Variants in GABBR2 observed in about 807,000 individuals in gnomAD.
GABBR2 encodes the protein G-protein coupled receptor 51.
Under a neutral mutation model 105.6 loss-of-function variants are expected in GABBR2, and 23 were observed. The ratio of observed to expected loss-of-function variants is 0.22; its 90% CI spans 0.16 to 0.31. The LOEUF (loss-of-function observed/expected upper bound fraction) is 0.31. Ranked by LOEUF, GABBR2 falls within the 10% of genes least tolerant of loss-of-function variation. The pLI, the probability that GABBR2 is intolerant of heterozygous loss-of-function variation, is 1.00. For synonymous variants in GABBR2, 478 were observed against 499.7 expected, an observed-to-expected ratio of 0.96 and a Z score of 0.58; for missense variants, 734 against 1,245.5, an observed-to-expected ratio of 0.59 and a Z score of 6.18.
intron 3 of GABBR2, among the ~76,000 whole-genome samples, chr9:98,516,972 G>C (rs1165053341): frequency 6.6e-6 from 1 of 152,214 alleles, no homozygotes; most frequent in Non-Finnish European, 1.5e-5. Context: ...TTGGTTGCAC[G>C]ACCAGATTTG....
At chr9:98,436,826 G>C (rs150432662) in intron 7 of GABBR2, among the ~76,000 whole-genome samples, 1 of 152,224 alleles carries the variant, frequency 6.6e-6, no homozygotes, top group East Asian at 1.9e-4. Context: ...GATGTGTGAT[G>C]ATGTTTGAAA....
Position 98,609,112 on chromosome 9 carries a change from A to T in GABBR2, c.322-31040T>A, listed in dbSNP as rs568816249. Among the ~76,000 whole-genome samples the T allele has an allele frequency of 9.2e-5, 14 of 152,334 alleles. No individual in the cohort carries two copies. In the East Asian group the frequency reaches 1.7e-3, roughly 19 times the overall value. ...GTATTTTTTGTTTGTATTGTAAAAA[A>T]TTCACATAATAAACGATGTTGTGAT... On this transcript the variant is annotated intron_variant, in intron 1 of 18. Transcript: ENST00000259455.
chr9:98,651,956 C>T (rs1454378008), intron 1 of GABBR2, among the ~76,000 whole-genome samples: 1 of 152,084 alleles, frequency 6.6e-6, no homozygotes, highest in Admixed American at 6.5e-5. Flanking sequence ...AATCATATAA[C>T]ATGTGAGATT....
At chr9:98,680,496 A>T (rs1413851380) in intron 1 of GABBR2, among the ~76,000 whole-genome samples, 1 of 151,998 alleles carries the variant, frequency 6.6e-6, no homozygotes, top group Non-Finnish European at 1.5e-5. Flanking sequence ...TTTTTAGTAG[A>T]GACGGGGTTT....
intron 3 of GABBR2, among the ~76,000 whole-genome samples, chr9:98,497,359 G>A (rs1220430810): frequency 6.6e-6 from 1 of 151,976 alleles, no homozygotes; most frequent in Non-Finnish European, 1.5e-5. Flanking sequence ...TTTGAGGGGA[G>A]AAATCAGAAA....
intron 2 of GABBR2, among the ~76,000 whole-genome samples, chr9:98,566,343 G>A (rs1828750352): frequency 6.6e-6 from 1 of 152,286 alleles, no homozygotes; most frequent in South Asian, 2.1e-4. Flanking sequence ...CAACAAAATA[G>A]TAACCTTCAC....
chr9:98,612,483 C>T (rs1190186408), intron 1 of GABBR2, among the ~76,000 whole-genome samples: 1 of 152,210 alleles, frequency 6.6e-6, no homozygotes, highest in African/African-American at 2.4e-5. Context: ...TTTGTTCTCA[C>T]TATCACAGTT....
intron 14 of GABBR2, among the ~76,000 whole-genome samples, chr9:98,310,678 G>A (rs896500095): frequency 4.6e-5 from 7 of 152,188 alleles, no homozygotes; most frequent in African/African-American, 1.7e-4. Context: ...AAATGGGGAT[G>A]ATCCTGCCCA....
intron 1 of GABBR2, among the ~76,000 whole-genome samples, chr9:98,603,166 C>T (rs920568063): frequency 7.2e-5 from 11 of 152,188 alleles, no homozygotes; most frequent in African/African-American, 2.7e-4. Context: ...CTCTCTCTGC[C>T]CCGTCTCCTA....
intron 9 of GABBR2, among the ~76,000 whole-genome samples, chr9:98,389,558 A>G (rs1162267722): frequency 6.6e-6 from 1 of 152,206 alleles, no homozygotes; most frequent in Admixed American, 6.5e-5. Context: ...TTCTGTTTCC[A>G]CAAGACTCTG....
At chr9:98,328,717 C>G (rs1269420838) in intron 13 of GABBR2, among the ~76,000 whole-genome samples, 1 of 152,106 alleles carries the variant, frequency 6.6e-6, no homozygotes, top group Non-Finnish European at 1.5e-5. Context: ...AATAAATAGG[C>G]CTTGACTTAC....
At chr9:98,590,733 A>C (rs1313382570) in intron 1 of GABBR2, among the ~76,000 whole-genome samples, 2 of 152,170 alleles carry the variant, frequency 1.3e-5, no homozygotes, top group African/African-American at 4.8e-5. Flanking sequence ...TTTCCATTCC[A>C]CATTTGTGGG....
At chr9:98,387,805 T>A (rs1832101115) in intron 10 of GABBR2, among the ~76,000 whole-genome samples, 1 of 151,670 alleles carries the variant, frequency 6.6e-6, no homozygotes, top group Non-Finnish European at 1.5e-5. Flanking sequence ...AATAATTAAT[T>A]AATTAATTAA....
chr9:98,303,025 G>C (rs1002877401), intron 16 of GABBR2: 3 of 483,946 alleles, frequency 6.2e-6, no homozygotes, highest in African/African-American at 5.9e-5. Flanking sequence ...TGGCCTCCAA[G>C]AGCCTGGGTG....
intron 3 of GABBR2, among the ~76,000 whole-genome samples, chr9:98,515,010 C>T (rs1224558521): frequency 1.3e-5 from 2 of 152,056 alleles, no homozygotes; most frequent in African/African-American, 2.4e-5. Context: ...GTGGGGGAGG[C>T]CACCAGGAAG....
chr9:98,404,002 C>A (rs573319320), intron 8 of GABBR2, among the ~76,000 whole-genome samples: 1 of 151,864 alleles, frequency 6.6e-6, no homozygotes, highest in East Asian at 1.9e-4. Flanking sequence ...TGCTGTACTG[C>A]CTTCCTTATA....
intron 1 of GABBR2, among the ~76,000 whole-genome samples, chr9:98,663,283 A>C (rs567565189): frequency 1.3e-5 from 2 of 152,192 alleles, no homozygotes; most frequent in Admixed American, 6.5e-5. Flanking sequence ...AGCAGAGGGT[A>C]CTGGAGGAAA....
chr9:98,545,039 T>A (rs900764460), intron 2 of GABBR2, among the ~76,000 whole-genome samples: 1 of 152,122 alleles, frequency 6.6e-6, no homozygotes, highest in Non-Finnish European at 1.5e-5. Flanking sequence ...TACCATCACA[T>A]CCCCAAAAAT....
chr9:98,445,023 C>T (rs75304461), intron 7 of GABBR2, among the ~76,000 whole-genome samples: 28 of 152,288 alleles, frequency 1.8e-4, no homozygotes, highest in African/African-American at 6.3e-4. Context: ...GATTATTTAT[C>T]GGGTTGAAAA....
Sources: allele counts gnomAD v4.1 joint callset (sites outside exome capture counted in the v4.1 genomes callset), GRCh38; gene constraint gnomAD v4.1.1; transcripts MANE v1.5; gene names NCBI Gene and HGNC (gene_info 2026-07-23, HGNC 2026-07-21).